The following INVS variants were observed in gnomAD, a reference collection of about 807,000 sequenced individuals.
The protein encoded by INVS is inversion of embryo turning homolog.
A neutral mutation model predicts 108.8 loss-of-function variants in INVS; 86 were observed. The ratio of observed to expected loss-of-function variants is 0.79; its 90% CI spans 0.66 to 0.95. INVS has a LOEUF of 0.95. Among genes scored for constraint, INVS ranks in the 40% least tolerant of loss-of-function variants. INVS has a pLI of 0.00. For missense variants in INVS, 1,169 were observed against 1,297.4 expected (o/e 0.90, Z 1.52); for synonymous variants, 455 against 473.5 (o/e 0.96, Z 0.51).
chr9:100,189,525 A>G (rs1830159784), intron 3 of INVS, among the ~76,000 whole-genome samples: 2 of 151,758 alleles, frequency 1.3e-5, no homozygotes, highest in South Asian at 2.1e-4. Context: ...TTTAATTTTC[A>G]TTACTTGTAT....
intron 3 of INVS, among the ~76,000 whole-genome samples, chr9:100,185,209 TA>T (rs1252601758): frequency 1.4e-5 from 2 of 142,726 alleles, no homozygotes; most frequent in African/African-American, 5.9e-5. Flanking sequence ...GTTCCAATAA[TA>T]TTTTTTAATG....
chr9:100,153,105 T>A (rs1055500497), intron 3 of INVS, among the ~76,000 whole-genome samples: 1 of 151,870 alleles, frequency 6.6e-6, no homozygotes, highest in Admixed American at 6.6e-5. Context: ...TTGTAAAATG[T>A]TAAACATACC....
At chr9:100,218,315 A>T (rs982219209) in intron 3 of INVS, among the ~76,000 whole-genome samples, 1 of 152,200 alleles carries the variant, frequency 6.6e-6, no homozygotes, top group Non-Finnish European at 1.5e-5. Flanking sequence ...ATTGGAAAAC[A>T]TGTAGGTCCC....
chr9:100,297,982 A>C lies in INVS; in HGVS notation c.3063A>C (p.Lys1021Asn). The C allele has an allele frequency of 6.2e-7, 1 of 1,614,206 alleles. No homozygotes were observed. ...TACATCATCCTACAAGATCTGTAAAAGCCTCTTCTGTGCTGCGTCTCAACT... is the reference window on the plus strand; with the variant it reads ...TACATCATCCTACAAGATCTGTAAACGCCTCTTCTGTGCTGCGTCTCAACT... ...GKIHHPTRSV[K>N]ASSVLRLNSV... Residue 1021 changes from lysine to asparagine, a missense_variant, in exon 16 of 17, where the codon AAA becomes AAC. Transcript: ENST00000262457.
intron 3 of INVS, among the ~76,000 whole-genome samples, chr9:100,150,525 G>A (rs1359390760): frequency 6.6e-6 from 1 of 152,134 alleles, no homozygotes; most frequent in Non-Finnish European, 1.5e-5. Flanking sequence ...TTTATGGCTG[G>A]TAAAAAGGGA....
intron 1 of INVS, chr9:100,101,797 C>T (rs1261915658): frequency 6.6e-6 from 1 of 152,172 alleles, no homozygotes; most frequent in African/African-American, 2.4e-5. Flanking sequence ...TTAACTGGAG[C>T]TGATTAACAG....
intron 3 of INVS, among the ~76,000 whole-genome samples, chr9:100,194,152 CAAAGTGCTTGT>C: frequency 6.6e-6 from 1 of 152,272 alleles, no homozygotes; most frequent in East Asian, 1.9e-4. Context: ...AACAGTTTTC[CAAAGTGCTTGT>C]ACTATTTTAC....
At chr9:100,113,064 T>C (rs1482536494) in intron 2 of INVS, among the ~76,000 whole-genome samples, 11 of 152,224 alleles carry the variant, frequency 7.2e-5, no homozygotes, top group East Asian at 1.9e-4. Context: ...TATCACTGAC[T>C]CCAGAAGGAC....
Position 100,264,944 on chromosome 9 carries a change from C to CTTTTTTTTTTTTTTTTTTTTTTTTTT in INVS, c.1571+32_1571+33insTTTTTTTTTTTTTTTTTTTTTTTTTT. The stretch of plus-strand genomic sequence containing the variant: ...ATGAAGAGAGGTAAGTTGTTGTTGA[C>CTTTTTTTTTTTTTTTTTTTTTTTTTT]TTTTTTTTTTTTTTTTGAGATGGCT... On this transcript the variant is annotated intron_variant, in intron 11 of 16. Coordinates refer to ENST00000262457, the MANE Select transcript of INVS (RefSeq NM_014425.5). The CTTTTTTTTTTTTTTTTTTTTTTTTTT allele has an allele frequency of 1.6e-6, 2 of 1,241,804 alleles. No homozygotes were observed. The highest frequency in any genetic ancestry group is 2.3e-6 in the Non-Finnish European group (2 of 881,874). 76.9% of individuals were successfully genotyped at this position (1,241,804 alleles called of 1,614,324 possible). A position where few individuals can be genotyped will look rare whatever the true frequency, so the allele number is the denominator to read the frequency against.
intron 10 of INVS, 125 bp from the exon 11 acceptor site, chr9:100,264,697 T>A: frequency 1.4e-6 from 1 of 712,594 alleles, no homozygotes; most frequent in Non-Finnish European, 2.5e-6. Context: ...TATTTAATAT[T>A]TTCCCTTTTT....
intron 3 of INVS, among the ~76,000 whole-genome samples, chr9:100,221,838 T>C (rs1831162081): frequency 6.6e-6 from 1 of 152,222 alleles, no homozygotes; most frequent in African/African-American, 2.4e-5. Context: ...TCATACACTA[T>C]ATTATTATAA....
chr9:100,156,392 C>T (rs1309784682), intron 3 of INVS, among the ~76,000 whole-genome samples: 1 of 151,132 alleles, frequency 6.6e-6, no homozygotes, highest in Non-Finnish European at 1.5e-5. Context: ...TCCCAAGTAG[C>T]TGGGTTTAAA....
chr9:100,193,141 C>A (rs1830273773), intron 3 of INVS, among the ~76,000 whole-genome samples: 1 of 151,942 alleles, frequency 6.6e-6, no homozygotes, highest in Non-Finnish European at 1.5e-5. Flanking sequence ...CCATACCCAG[C>A]TAATTTTTAA....
intron 2 of INVS, among the ~76,000 whole-genome samples, chr9:100,112,002 T>C (rs1827351523): frequency 6.6e-6 from 1 of 150,940 alleles, no homozygotes. Context: ...TTCTTTCTTT[T>C]TTTGAGACAG....
At chr9:100,111,570 A>G (rs927436810) in intron 2 of INVS, among the ~76,000 whole-genome samples, 6 of 152,256 alleles carry the variant, frequency 3.9e-5, no homozygotes. Flanking sequence ...ACAACACAGC[A>G]CAGTAGCCAG....
chr9:100,260,481 G>A (rs774744621), intron 10 of INVS, among the ~76,000 whole-genome samples: 4 of 152,050 alleles, frequency 2.6e-5, no homozygotes, highest in Admixed American at 6.6e-5. Flanking sequence ...GTGAGCCACC[G>A]TGCCTGCCTA....
intron 3 of INVS, among the ~76,000 whole-genome samples, chr9:100,223,908 C>T (rs1371780551): frequency 1.3e-5 from 2 of 152,216 alleles, no homozygotes; most frequent in Non-Finnish European, 2.9e-5. Flanking sequence ...CCTTCTGCAC[C>T]TCACTGTCAC....
intron 3 of INVS, among the ~76,000 whole-genome samples, chr9:100,154,249 G>A (rs796972125): frequency 2.6e-4 from 40 of 151,062 alleles, no homozygotes; most frequent in African/African-American, 8.5e-4. Context: ...CTGCAATCTC[G>A]ACATTTTTGG....
rs62577237 is a variant in INVS at position 100,099,286 on chromosome 9, C to T, written c.-155C>T. ...AAGCCTCGGGCGGCCTTTTGAGGGG[C>T]TCGGCTAGCTTCAGCGCCGTGGGGT... On this transcript the variant is annotated 5_prime_UTR_variant, in exon 1 of 17. Transcript: ENST00000262457. The T allele has an allele frequency of 9.0e-3, 1,444 of 160,600 alleles. 20 individuals are homozygous for T. The highest frequency in any genetic ancestry group is 0.032 in the Middle Eastern group (10 of 316). 9.9% of individuals were successfully genotyped at this position (160,600 alleles called of 1,614,324 possible).
Sources: gnomAD v4.1 joint callset for allele counts (sites outside exome capture counted in the v4.1 genomes callset) on GRCh38, gnomAD v4.1.1 for gene constraint, MANE v1.5 for transcripts, NCBI Gene and HGNC (gene_info 2026-07-23, HGNC 2026-07-21) for gene names.